The following RCL1 variants were observed in gnomAD, a reference collection of about 807,000 sequenced individuals.
The protein encoded by RCL1 is RNA terminal phosphate cyclase like 1.
In RCL1, 24 loss-of-function variants were observed where a neutral mutation model predicts 42.4. The observed-to-expected ratio is 0.57, with a 90% CI of 0.41 to 0.80. The LOEUF (loss-of-function observed/expected upper bound fraction) is 0.80. RCL1 is among the 30% of genes least tolerant of loss of function. RCL1 has a pLI of 0.00. For missense variants in RCL1, 578 were observed against 467.9 expected, an observed-to-expected ratio of 1.24 and a Z score of -2.17; for synonymous variants, 228 against 177.3, an observed-to-expected ratio of 1.29 and a Z score of -2.27.
At chr9:4,844,896 G>A (rs1439046404) in intron 7 of RCL1, among the ~76,000 whole-genome samples, 1 of 152,152 alleles carries the variant, frequency 6.6e-6, no homozygotes, top group Non-Finnish European at 1.5e-5. Context: ...ACACAGGGCA[G>A]GTAAGTTTTA....
chr9:4,795,196 G>C lies in RCL1; in HGVS notation c.136+1969G>C, dbSNP rs192924384. Among the ~76,000 whole-genome samples, 340 of 152,140 alleles carry C rather than the reference G, an allele frequency of 2.2e-3. 2 individuals are homozygous for C. The highest frequency in any genetic ancestry group is 3.9e-3 in the Non-Finnish European group (263 of 68,004). On this transcript the variant is annotated intron_variant, in intron 1 of 8. Coordinates refer to ENST00000381750, the MANE Select transcript of RCL1 (RefSeq NM_005772.5). ...GGGTTCCTGCAATTCTCCTGCCTCA[G>C]CCTCCCTCGTAGCTGGGATTACAGG... is the stretch of plus-strand genomic sequence containing the variant.
chr9:4,806,430 CAATG>C (rs909615309), intron 1 of RCL1, among the ~76,000 whole-genome samples: 2 of 152,062 alleles, frequency 1.3e-5, no homozygotes, highest in African/African-American at 4.8e-5. Context: ...TCTTTTTAAA[CAATG>C]AATGAGTGTT....
At chr9:4,817,660 C>T (rs1408180665) in intron 1 of RCL1, among the ~76,000 whole-genome samples, 1 of 151,710 alleles carries the variant, frequency 6.6e-6, no homozygotes, top group African/African-American at 2.4e-5. Flanking sequence ...CCATGCCTGG[C>T]TAATTTTTGT....
intron 5 of RCL1, among the ~76,000 whole-genome samples, chr9:4,838,602 C>T (rs995615299): frequency 1.3e-5 from 2 of 152,218 alleles, no homozygotes; most frequent in Non-Finnish European, 2.9e-5. Context: ...ACACACACCC[C>T]TCTTAGCTTT....
At chr9:4,798,763 A>C (rs1357717136) in intron 1 of RCL1, among the ~76,000 whole-genome samples, 2 of 152,212 alleles carry the variant, frequency 1.3e-5, no homozygotes, top group East Asian at 3.9e-4. Context: ...AGATAACTTT[A>C]CTACTAACTG....
chr9:4,816,661 A>C (rs1018089921), intron 1 of RCL1, among the ~76,000 whole-genome samples: 6 of 152,220 alleles, frequency 3.9e-5, no homozygotes. Flanking sequence ...TGTGTAATTT[A>C]AGAATAACAT....
chr9:4,849,651 C>A, intron 8 of RCL1, 101 bp downstream of exon 8: 1 of 775,782 alleles, frequency 1.3e-6, no homozygotes, highest in Non-Finnish European at 2.2e-6. Context: ...GCACTATGAA[C>A]ACCTGCTTGT....
chr9:4,815,738 C>T (rs1312511252), intron 1 of RCL1, among the ~76,000 whole-genome samples: 3 of 151,972 alleles, frequency 2.0e-5, no homozygotes, highest in South Asian at 2.1e-4. Flanking sequence ...GAGCTGGGCA[C>T]GGTGTTGACT....
At chr9:4,823,507 G>T in intron 1 of RCL1, 41 bp from the exon 2 acceptor site, 1 of 1,501,562 alleles carries the variant, frequency 6.7e-7, no homozygotes, top group Non-Finnish European at 9.2e-7. Context: ...CATGAGGACA[G>T]TCTGTCTTCT....
chr9:4,814,899 C>T (rs561811562), intron 1 of RCL1, among the ~76,000 whole-genome samples: 31 of 151,626 alleles, frequency 2.0e-4, no homozygotes, highest in South Asian at 1.0e-3. Flanking sequence ...TTTTGGTTGA[C>T]GTTTTTTTTT....
At chr9:4,807,613 G>A (rs762448290) in intron 1 of RCL1, among the ~76,000 whole-genome samples, 16 of 152,192 alleles carry the variant, frequency 1.1e-4, no homozygotes, top group East Asian at 7.7e-4. Context: ...TTCGCCTCCC[G>A]GGTTCAAGTG....
chr9:4,817,347 T>A (rs886530571), intron 1 of RCL1, among the ~76,000 whole-genome samples: 14 of 152,114 alleles, frequency 9.2e-5, no homozygotes, highest in African/African-American at 3.4e-4. Flanking sequence ...CTTAATCTTT[T>A]TAATTAATTA....
chr9:4,813,511 T>C (rs1816255769), intron 1 of RCL1, among the ~76,000 whole-genome samples: 2 of 152,192 alleles, frequency 1.3e-5, no homozygotes, highest in South Asian at 4.1e-4. Flanking sequence ...CCAGTTAGAA[T>C]GGCGATCCTT....
At chr9:4,810,539 TTC>T (rs59237183) in intron 1 of RCL1, among the ~76,000 whole-genome samples, 6,645 of 152,296 alleles carry the variant, frequency 0.044, 223 homozygotes, top group East Asian at 0.091. Flanking sequence ...CGTCATGTTA[TTC>T]TGTTTTTTTA....
At chr9:4,818,600 C>T (rs918085675) in intron 1 of RCL1, among the ~76,000 whole-genome samples, 9 of 152,022 alleles carry the variant, frequency 5.9e-5, no homozygotes, top group East Asian at 1.9e-4. Context: ...AATTGAAATC[C>T]GGCCGGGCTA....
chr9:4,814,285 TA>T (rs1276308181), intron 1 of RCL1, among the ~76,000 whole-genome samples: 1 of 149,586 alleles, frequency 6.7e-6, no homozygotes, highest in African/African-American at 2.4e-5. Flanking sequence ...TTTTGAAATT[TA>T]AAAAAATTTT....
At chr9:4,811,428 C>G in intron 1 of RCL1, among the ~76,000 whole-genome samples, 1 of 152,090 alleles carries the variant, frequency 6.6e-6, no homozygotes, top group Non-Finnish European at 1.5e-5. Context: ...CTTCCTTCTC[C>G]CCTCCCTTTC....
chr9:4,798,133 C>T (rs1239722173), intron 1 of RCL1, among the ~76,000 whole-genome samples: 2 of 152,156 alleles, frequency 1.3e-5, no homozygotes, highest in Non-Finnish European at 2.9e-5. Flanking sequence ...CCAGCTCCTG[C>T]CTGAAGGACC....
intron 1 of RCL1, among the ~76,000 whole-genome samples, chr9:4,821,565 C>A (rs1031944291): frequency 6.6e-6 from 1 of 152,158 alleles, no homozygotes; most frequent in African/African-American, 2.4e-5. Context: ...CTGGCAAGGG[C>A]CTTCTTGCCA....
Sources: allele counts gnomAD v4.1 joint callset (sites outside exome capture counted in the v4.1 genomes callset), GRCh38; gene constraint gnomAD v4.1.1; transcripts MANE v1.5; gene names NCBI Gene and HGNC (gene_info 2026-07-23, HGNC 2026-07-21).